RAP1A: variants seen among roughly 807,000 people sequenced by gnomAD.
RAP1A encodes ras-related protein Rap-1A.
A neutral mutation model predicts 26.4 loss-of-function variants in RAP1A; 6 were observed. That is an observed-to-expected ratio of 0.23 (90% CI 0.12 to 0.45). The LOEUF is 0.45. RAP1A is among the 20% of genes least tolerant of loss of function. The pLI, the probability that RAP1A is intolerant of heterozygous loss-of-function variation, is 0.99. For missense variants in RAP1A, 121 were observed against 217.2 expected, an observed-to-expected ratio of 0.56 and a Z score of 2.78; for synonymous variants, 73 against 79.4, an observed-to-expected ratio of 0.92 and a Z score of 0.43.
Position 111,640,913 on chromosome 1 carries a change from A to G in RAP1A, c.-28+20979A>G, listed in dbSNP as rs1178276459. Among the ~76,000 whole-genome samples the G allele has an allele frequency of 3.3e-5, 5 of 152,186 alleles. No homozygotes were observed. The South Asian group carries it at 8.3e-4, about 25-fold the overall frequency. ...TGGGAGGTTGAGGCTGCAGTGAGCC[A>G]TGATTGTGCCACTACACTCCAGCCT... On this transcript the variant is annotated intron_variant, in intron 1 of 7. Transcript: ENST00000369709.
chr1:111,686,392 C>T (rs1291802810), intron 1 of RAP1A, among the ~76,000 whole-genome samples: 1 of 152,150 alleles, frequency 6.6e-6, no homozygotes, highest in East Asian at 1.9e-4. Context: ...ACTTAATGGC[C>T]TCTTTCATTA....
chr1:111,550,913 T>C (rs2101035362), intron 1 of RAP1A, among the ~76,000 whole-genome samples: 1 of 152,382 alleles, frequency 6.6e-6, no homozygotes, highest in South Asian at 2.1e-4. Flanking sequence ...CCCATATTGT[T>C]AGATGTGTAC....
At chr1:111,650,532 A>G (rs562150952) in intron 1 of RAP1A, 1 of 152,314 alleles carries the variant, frequency 6.6e-6, no homozygotes, top group South Asian at 2.1e-4. Context: ...CTGCCAAAGC[A>G]AGCATGACTT....
chr1:111,663,822 G>A (rs1284351748), intron 1 of RAP1A, among the ~76,000 whole-genome samples: 1 of 151,942 alleles, frequency 6.6e-6, no homozygotes, highest in African/African-American at 2.4e-5. Context: ...CATTTTGAAG[G>A]GAAGATAATG....
Position 111,559,404 on chromosome 1 carries a change from T to G in RAP1A, c.-28+16895T>G, listed in dbSNP as rs1021299828. ...CAGTGACCTAAAAAAAATCCTATTC[T>G]TTATGAAACTTAGTGCCTCCAAAAC... On this transcript the variant is annotated intron_variant, in intron 1 of 7. Transcript: ENST00000356415. Among the ~76,000 whole-genome samples the G allele has an allele frequency of 3.9e-5, 6 of 152,294 alleles. No homozygotes were observed. The South Asian group carries it at 1.2e-3, about 32-fold the overall frequency.
chr1:111,641,489 G>C (rs779600309), intron 1 of RAP1A, among the ~76,000 whole-genome samples: 7 of 152,136 alleles, frequency 4.6e-5, no homozygotes, highest in Non-Finnish European at 7.4e-5. Flanking sequence ...CAGGGGATGT[G>C]GGAGGAGAAC....
rs866479677 is a variant in RAP1A, at chr1:111,659,513, T to C, written c.-27-31821T>C. Among the ~76,000 whole-genome samples, 24 of 147,750 alleles carry C rather than the reference T, an allele frequency of 1.6e-4. 1 individual carries two copies. Among genetic ancestry groups the C allele is most frequent in the South Asian group, 4.2e-4 (2 of 4,752 alleles). On this transcript the variant is annotated intron_variant, in intron 1 of 7. Coordinates refer to ENST00000369709, the MANE Select transcript of RAP1A (RefSeq NM_002884.4). ...TCTTTAGTCCGTTGTGACAGTCTCT[T>C]TTTTTTTTTTTCTCTTATTATTATA...
intron 1 of RAP1A, among the ~76,000 whole-genome samples, chr1:111,688,235 T>C (rs1486818109): frequency 6.6e-6 from 1 of 151,108 alleles, no homozygotes; most frequent in East Asian, 1.9e-4. Context: ...GATGTTCTAT[T>C]TTCTTGTCTT....
intron 1 of RAP1A, among the ~76,000 whole-genome samples, chr1:111,584,192 T>G (rs1172221750): frequency 6.6e-6 from 1 of 152,154 alleles, no homozygotes; most frequent in Non-Finnish European, 1.5e-5. Context: ...ACAATTGATA[T>G]TTCAACTGTG....
At chr1:111,700,637 A>G (rs534420112) in intron 4 of RAP1A, among the ~76,000 whole-genome samples, 2 of 152,280 alleles carry the variant, frequency 1.3e-5, no homozygotes, top group African/African-American at 2.4e-5. Context: ...TCGAGCTCTT[A>G]TATCTAACTG....
intron 1 of RAP1A, among the ~76,000 whole-genome samples, chr1:111,690,912 G>A (rs1410500161): frequency 6.6e-6 from 1 of 152,134 alleles, no homozygotes; most frequent in African/African-American, 2.4e-5. Context: ...TAGAATTACT[G>A]TAGGATATTT....
At chr1:111,554,365 G>C (rs558307703) in intron 1 of RAP1A, among the ~76,000 whole-genome samples, 1 of 152,136 alleles carries the variant, frequency 6.6e-6, no homozygotes, top group Non-Finnish European at 1.5e-5. Context: ...TCTTTTGTTT[G>C]ACAAAAAATA....
At chr1:111,593,752 T>C (rs2101067699) in intron 1 of RAP1A, among the ~76,000 whole-genome samples, 1 of 149,868 alleles carries the variant, frequency 6.7e-6, no homozygotes, top group East Asian at 2.0e-4. Flanking sequence ...TTTCATGAGG[T>C]TCTGCCTGGC....
intron 1 of RAP1A, among the ~76,000 whole-genome samples, chr1:111,667,080 C>G (rs1446638979): frequency 6.6e-6 from 1 of 152,152 alleles, no homozygotes; most frequent in Non-Finnish European, 1.5e-5. Context: ...TAGAGGAACT[C>G]AAGTGAGCAA....
chr1:111,694,001 A>G (rs1050881723), intron 2 of RAP1A, among the ~76,000 whole-genome samples: 3 of 150,226 alleles, frequency 2.0e-5, no homozygotes, highest in African/African-American at 4.9e-5. Flanking sequence ...CAATCCTCCC[A>G]CCTTAGCTAC....
chr1:111,709,123 G>A (rs750537446), intron 6 of RAP1A, 26 bp from the exon 7 acceptor site: 1 of 1,599,538 alleles, frequency 6.3e-7, no homozygotes, highest in Non-Finnish European at 8.5e-7. Flanking sequence ...GGTGGAGTAA[G>A]TACTTTTTTT....
At chr1:111,594,462 A>T (rs1658524335) in intron 1 of RAP1A, among the ~76,000 whole-genome samples, 3 of 147,538 alleles carry the variant, frequency 2.0e-5, no homozygotes, top group Admixed American at 1.4e-4. Flanking sequence ...CCTGGGCAAG[A>T]GAGATAGACA....
chr1:111,604,283 A>G (rs1296608854), intron 1 of RAP1A: 1 of 152,270 alleles, frequency 6.6e-6, no homozygotes, highest in Non-Finnish European at 1.5e-5. Context: ...CACACTGTGC[A>G]CTGCTAAATG....
chr1:111,652,771 G>T lies in RAP1A; in HGVS notation c.-28+32837G>T, dbSNP rs139695089. 8.6e-3 allele frequency among the ~76,000 whole-genome samples: 1,312 copies of T among 152,244 alleles called. 21 individuals carry two copies. Among genetic ancestry groups the T allele is most frequent in the African/African-American group, 0.03 (1,247 of 41,570 alleles). ...TGGAACTCTCATACATTGCTGATGA[G>T]AATGTAAAATGGTACAGCCACTGTG... is the stretch of plus-strand genomic sequence containing the variant. On this transcript the variant is annotated intron_variant, in intron 1 of 7. Coordinates refer to ENST00000369709, the MANE Select transcript of RAP1A (RefSeq NM_002884.4).
Sources: gnomAD v4.1 joint callset for allele counts (sites outside exome capture counted in the v4.1 genomes callset) on GRCh38, gnomAD v4.1.1 for gene constraint, MANE v1.5 for transcripts, NCBI Gene and HGNC (gene_info 2026-07-23, HGNC 2026-07-21) for gene names.